Variants in PDGFD observed in about 807,000 individuals in gnomAD.
PDGFD encodes the protein platelet derived growth factor D.
PDGFD carries 30 observed loss-of-function variants against 44.7 expected under a neutral mutation model. The observed-to-expected ratio is 0.67, with a 90% confidence interval of 0.50 to 0.91. PDGFD has a LOEUF of 0.91. Ranked by LOEUF, PDGFD falls within the 40% of genes least tolerant of loss-of-function variation. The probability of loss-of-function intolerance (pLI) is 0.00; values close to 1 mark genes in which losing one functional copy is unlikely to be tolerated. For synonymous variants in PDGFD, 173 were observed against 168.4 expected, an observed-to-expected ratio of 1.03 and a Z score of -0.21; for missense variants, 445 against 457.8, an observed-to-expected ratio of 0.97 and a Z score of 0.25.
intron 1 of PDGFD, among the ~76,000 whole-genome samples, chr11:104,124,245 G>A (rs1310774799): frequency 6.6e-6 from 1 of 152,060 alleles, no homozygotes; most frequent in Non-Finnish European, 1.5e-5. Flanking sequence ...ATAAGAGGGA[G>A]GAAAGGCTGC....
intron 1 of PDGFD, among the ~76,000 whole-genome samples, chr11:104,015,006 G>T (rs1269683948): frequency 6.6e-6 from 1 of 152,136 alleles, no homozygotes; most frequent in Non-Finnish European, 1.5e-5. Flanking sequence ...TAGGCAGAAT[G>T]GTCAAGTTCT....
chr11:104,150,958 C>T lies in PDGFD; in HGVS notation c.124+12846G>A, dbSNP rs542402495. ...GTCATTATTCAGCCATAGGACAAAC[C>T]CCAACACACGATTTTCTAATCTGAA... On this transcript the variant is annotated intron_variant, in intron 1 of 6. Coordinates refer to ENST00000393158, the MANE Select transcript of PDGFD (RefSeq NM_025208.5). Among the ~76,000 whole-genome samples the T allele has an allele frequency of 5.0e-3, 758 of 152,126 alleles. 8 individuals are homozygous for T. Among genetic ancestry groups the T allele is most frequent in the Non-Finnish European group, 4.3e-3 (295 of 67,988 alleles).
chr11:103,992,711 C>G (rs905541633), intron 3 of PDGFD, among the ~76,000 whole-genome samples: 1 of 152,112 alleles, frequency 6.6e-6, no homozygotes, highest in African/African-American at 2.4e-5. Context: ...CAATCCCAAC[C>G]AAAAATAAGT....
intron 1 of PDGFD, among the ~76,000 whole-genome samples, chr11:104,072,490 G>C (rs1860895073): frequency 6.6e-6 from 1 of 151,622 alleles, no homozygotes. Flanking sequence ...GCTTCTGTAA[G>C]GTTTTTCGGG....
chr11:103,925,334 T>C (rs1858290236), intron 6 of PDGFD, among the ~76,000 whole-genome samples: 1 of 152,224 alleles, frequency 6.6e-6, no homozygotes, highest in Admixed American at 6.5e-5. Context: ...ATGGGATTGC[T>C]GTGGACACTG....
intron 3 of PDGFD, among the ~76,000 whole-genome samples, chr11:103,995,243 C>T (rs1373555338): frequency 6.6e-6 from 1 of 152,052 alleles, no homozygotes; most frequent in Non-Finnish European, 1.5e-5. Context: ...GTTCAAGGAC[C>T]CTGTCTGTTC....
chr11:104,155,710 G>T (rs900918041), intron 1 of PDGFD, among the ~76,000 whole-genome samples: 7 of 152,164 alleles, frequency 4.6e-5, no homozygotes, highest in Admixed American at 1.3e-4. Context: ...GTTGCATATT[G>T]GTTAGTTCAT....
Position 104,163,954 on chromosome 11 carries a change from C to T in PDGFD, c.-27G>A. The T allele has an allele frequency of 6.6e-7, 1 of 1,507,660 alleles. No homozygotes were observed. Among genetic ancestry groups the T allele is most frequent in the Non-Finnish European group, 9.0e-7 (1 of 1,113,564 alleles). 93.4% of individuals were successfully genotyped at this position (1,507,660 alleles called of 1,614,324 possible). ...TGGGATCAGCGACTAGAGACAGCGT[C>T]GCTCCAAGAAAAAGCCGGGTTCTGC... On this transcript the variant is annotated 5_prime_UTR_variant, in exon 1 of 7. Coordinates refer to ENST00000393158, the MANE Select transcript of PDGFD (RefSeq NM_025208.5).
At chr11:104,089,443 G>A (rs1039448841) in intron 1 of PDGFD, among the ~76,000 whole-genome samples, 3 of 151,982 alleles carry the variant, frequency 2.0e-5, no homozygotes, top group Admixed American at 6.6e-5. Flanking sequence ...TATTTACAAA[G>A]GATTACACTG....
intron 3 of PDGFD, among the ~76,000 whole-genome samples, chr11:103,960,116 T>C (rs1262485554): frequency 6.6e-5 from 10 of 152,208 alleles, no homozygotes; most frequent in African/African-American, 2.2e-4. Context: ...TAATTTTTTG[T>C]ACCGTTACAT....
chr11:103,910,996 A>C (rs1020287502), intron 6 of PDGFD, among the ~76,000 whole-genome samples: 11 of 152,372 alleles, frequency 7.2e-5, no homozygotes, highest in Middle Eastern at 3.4e-3. Context: ...AGCCCACCGC[A>C]GCTCAGCAAG....
intron 1 of PDGFD, among the ~76,000 whole-genome samples, chr11:104,131,283 T>C (rs1288206489): frequency 6.6e-6 from 1 of 152,160 alleles, no homozygotes; most frequent in African/African-American, 2.4e-5. Flanking sequence ...TAATAGTGCA[T>C]GTAACTTAAC....
chr11:104,075,060 C>CT (rs1227269318), intron 1 of PDGFD, among the ~76,000 whole-genome samples: 15 of 152,176 alleles, frequency 9.9e-5, no homozygotes. Context: ...GCAACATATA[C>CT]TGACTGCCAT....
intron 1 of PDGFD, among the ~76,000 whole-genome samples, chr11:104,074,048 T>C (rs558387866): frequency 2.4e-4 from 36 of 152,206 alleles, no homozygotes; most frequent in Non-Finnish European, 4.6e-4. Context: ...AAACTTGATA[T>C]AGCAGAGGCA....
In PDGFD at chr11:103,913,146, C is replaced by T. The variant is rs138370156; in HGVS notation, c.988-3327G>A. ...GAGTTGAACTGAGCTCTGGACCAAG[C>T]GGACCTAATAGATATCTACAGAACT... is the stretch of plus-strand genomic sequence containing the variant. On this transcript the variant is annotated intron_variant, in intron 6 of 6. Coordinates refer to ENST00000393158, the MANE Select transcript of PDGFD (RefSeq NM_025208.5). 1.1e-3 allele frequency among the ~76,000 whole-genome samples: 172 copies of T among 150,612 alleles called. 3 individuals carry two copies. Among genetic ancestry groups the T allele is most frequent in the African/African-American group, 4.1e-3 (167 of 41,042 alleles).
intron 3 of PDGFD, among the ~76,000 whole-genome samples, chr11:103,974,877 T>C (rs1424140678): frequency 6.6e-6 from 1 of 152,250 alleles, no homozygotes; most frequent in Non-Finnish European, 1.5e-5. Flanking sequence ...TGCCACATTA[T>C]CTTTATCCAG....
At chr11:104,089,679 T>C (rs1861182824) in intron 1 of PDGFD, among the ~76,000 whole-genome samples, 1 of 152,180 alleles carries the variant, frequency 6.6e-6, no homozygotes. Flanking sequence ...GCCAAGTGTC[T>C]ATGGTTGGTC....
At position 104,001,723 on chromosome 11, in the gene PDGFD, C is replaced by T. The variant is rs1294918557; in HGVS notation, c.125-1468G>A. On this transcript the variant is annotated intron_variant, in intron 1 of 6. Transcript: ENST00000393158. ...CCCACCATAAACAGACCTCCAGCCA[C>T]AGTCTATTTATGTTATCCTGCAGAG... Among the ~76,000 whole-genome samples the T allele has an allele frequency of 2.6e-5, 4 of 152,154 alleles. No individual in the cohort carries two copies. In the South Asian group the frequency reaches 6.2e-4, roughly 24 times the overall value.
intron 1 of PDGFD, among the ~76,000 whole-genome samples, chr11:104,109,033 A>C (rs1861509444): frequency 7.6e-6 from 1 of 131,162 alleles, no homozygotes; most frequent in Non-Finnish European, 1.6e-5. Context: ...GGGGGACATC[A>C]CACATCGGGG....
Sources: allele counts gnomAD v4.1 joint callset (sites outside exome capture counted in the v4.1 genomes callset), GRCh38; gene constraint gnomAD v4.1.1; transcripts MANE v1.5; gene names NCBI Gene and HGNC (gene_info 2026-07-23, HGNC 2026-07-21).